Variants in NEK10 observed in about 807,000 individuals in gnomAD.
NEK10 encodes the protein serine/threonine-protein kinase Nek10.
In NEK10, 122 loss-of-function variants were observed where a neutral mutation model predicts 159.8. That is an observed-to-expected ratio of 0.76 (90% CI 0.66 to 0.89). NEK10 has a LOEUF of 0.89. NEK10 is among the 40% of genes least tolerant of loss of function. The pLI is 0.00. For missense variants in NEK10, 1,342 were observed against 1,323.1 expected (o/e 1.01, Z -0.22); for synonymous variants, 466 against 457.1 (o/e 1.02, Z -0.25).
intron 23 of NEK10, among the ~76,000 whole-genome samples, chr3:27,208,946 T>C (rs537700297): frequency 6.6e-6 from 1 of 152,176 alleles, no homozygotes; most frequent in Non-Finnish European, 1.5e-5. Context: ...CTAACTTTTC[T>C]GAACACAAAC....
intron 26 of NEK10, among the ~76,000 whole-genome samples, chr3:27,189,394 T>G (rs1296969761): frequency 6.6e-6 from 1 of 152,120 alleles, no homozygotes; most frequent in African/African-American, 2.4e-5. Flanking sequence ...AAAATTTCAG[T>G]AATTCACAGT....
Position 27,336,737 on chromosome 3 carries a change from C to T in NEK10, c.362+7535G>A, listed in dbSNP as rs368042395. Among the ~76,000 whole-genome samples the T allele has an allele frequency of 1.6e-4, 24 of 152,098 alleles. No individual in the cohort carries two copies. In the East Asian group the frequency reaches 1.9e-3, roughly 12 times the overall value. ...TTATACATCACATCAACAGAATGAA[C>T]GATAAACAACATATGATCATCTCAA... On this transcript the variant is annotated intron_variant, in intron 5 of 35. Coordinates refer to ENST00000691995, the MANE Select transcript of NEK10 (RefSeq NM_001394966.1).
intron 11 of NEK10, among the ~76,000 whole-genome samples, chr3:27,305,840 T>C (rs943372170): frequency 5.3e-5 from 8 of 152,196 alleles, no homozygotes; most frequent in African/African-American, 1.9e-4. Flanking sequence ...ATAAACGTTT[T>C]ATAGAATCAT....
intron 29 of NEK10, among the ~76,000 whole-genome samples, chr3:27,166,739 C>A (rs556553631): frequency 6.6e-6 from 1 of 152,122 alleles, no homozygotes; most frequent in East Asian, 1.9e-4. Flanking sequence ...GGGGGTGGAT[C>A]ACCTGAAGTC....
chr3:27,284,389 G>GA (rs1280905547), intron 22 of NEK10, among the ~76,000 whole-genome samples: 7 of 151,146 alleles, frequency 4.6e-5, no homozygotes, highest in Middle Eastern at 6.8e-3. Flanking sequence ...CTGTCTCGAA[G>GA]AAAAAAAAAT....
chr3:27,230,011 C>T (rs556562821), intron 23 of NEK10, among the ~76,000 whole-genome samples: 2 of 152,120 alleles, frequency 1.3e-5, no homozygotes, highest in East Asian at 3.9e-4. Context: ...ATACAAGAAG[C>T]TCGAAGAACT....
At chr3:27,280,911 TG>T (rs1553615355) in intron 22 of NEK10, among the ~76,000 whole-genome samples, 11 of 101,692 alleles carry the variant, frequency 1.1e-4, no homozygotes, top group Middle Eastern at 5.0e-3. Context: ...TATGTACATA[TG>T]GTGTGTGTGT....
intron 30 of NEK10, among the ~76,000 whole-genome samples, chr3:27,146,595 G>A (rs758516876): frequency 1.3e-5 from 2 of 152,158 alleles, no homozygotes; most frequent in Non-Finnish European, 2.9e-5. Flanking sequence ...ATGAAATAAA[G>A]TAACGTAATT....
At chr3:27,199,232 G>A (rs1949830492) in intron 25 of NEK10, among the ~76,000 whole-genome samples, 1 of 152,062 alleles carries the variant, frequency 6.6e-6, no homozygotes, top group Non-Finnish European at 1.5e-5. Context: ...GGTCTAATAT[G>A]CAGTTTCTAT....
Position 27,250,848 on chromosome 3 carries a change from T to C in NEK10, c.2090+5448A>G, listed in dbSNP as rs533652204. On this transcript the variant is annotated intron_variant, in intron 23 of 35. Coordinates refer to ENST00000691995, the MANE Select transcript of NEK10 (RefSeq NM_001394966.1). ...CTCTTGCTGCTTTTGAGATCCTTTCTTTATCCCTGATATTTGTGAGTTTGA... is the reference window on the plus strand; with the variant it reads ...CTCTTGCTGCTTTTGAGATCCTTTCCTTATCCCTGATATTTGTGAGTTTGA... Among the ~76,000 whole-genome samples, 200 of 152,338 alleles carry C rather than the reference T, an allele frequency of 1.3e-3. 1 individual carries two copies. The Middle Eastern group carries it at 0.027, about 21-fold the overall frequency.
At chr3:27,138,677 A>T (rs572866910) in intron 31 of NEK10, among the ~76,000 whole-genome samples, 211 of 152,356 alleles carry the variant, frequency 1.4e-3, no homozygotes, top group African/African-American at 4.8e-3. Flanking sequence ...AGAAGAGCCC[A>T]TACAGATAGG....
At position 27,314,321 on chromosome 3, in the gene NEK10, C is replaced by G. The variant is rs1454968858; in HGVS notation, c.465G>C (p.Leu155Phe). Residue 155 changes from leucine to phenylalanine, a missense_variant, in exon 7 of 36, where the codon TTG (leucine) becomes TTC (phenylalanine). Transcript: ENST00000691995. ...CCTGAGCTAGGTTTTCAATCCCACC[C>G]AAGCTATGGAGTATTTCCTAATAAA... Reference protein sequence around the residue: ...DPCYQEILHSLGGIENLAQYM... With the variant: ...DPCYQEILHSFGGIENLAQYM... 1 of 1,601,672 alleles carries G rather than the reference C, an allele frequency of 6.2e-7. No homozygotes were observed. Among genetic ancestry groups the G allele is most frequent in the Non-Finnish European group, 8.5e-7 (1 of 1,172,404 alleles).
chr3:27,146,853 CAAAGAGTGAAG>C (rs1393694869), intron 30 of NEK10, among the ~76,000 whole-genome samples: 1 of 152,104 alleles, frequency 6.6e-6, no homozygotes, highest in African/African-American at 2.4e-5. Context: ...ATAATTCCAG[CAAAGAGTGAAG>C]TCAGCTAAGT....
intron 23 of NEK10, among the ~76,000 whole-genome samples, chr3:27,222,867 A>T (rs1382702113): frequency 6.6e-6 from 1 of 152,030 alleles, no homozygotes; most frequent in African/African-American, 2.4e-5. Context: ...ACACATGTCC[A>T]AATTGTAAGA....
At chr3:27,125,549 T>C (rs1941844686) in intron 32 of NEK10, among the ~76,000 whole-genome samples, 1 of 152,186 alleles carries the variant, frequency 6.6e-6, no homozygotes, top group Non-Finnish European at 1.5e-5. Flanking sequence ...TGCCTAATTT[T>C]TTTATCTTTT....
At chr3:27,175,895 G>A (rs1343622180) in intron 26 of NEK10, among the ~76,000 whole-genome samples, 1 of 152,194 alleles carries the variant, frequency 6.6e-6, no homozygotes, top group Admixed American at 6.5e-5. Context: ...AAATTACCTA[G>A]CACTTCTTGA....
chr3:27,347,147 T>C (rs1381221233), intron 3 of NEK10, among the ~76,000 whole-genome samples: 1 of 152,222 alleles, frequency 6.6e-6, no homozygotes, highest in South Asian at 2.1e-4. Flanking sequence ...TTCCATTTTA[T>C]ATATTACCAA....
chr3:27,217,095 G>A (rs1951616182), intron 23 of NEK10, among the ~76,000 whole-genome samples: 1 of 152,118 alleles, frequency 6.6e-6, no homozygotes, highest in Admixed American at 6.5e-5. Flanking sequence ...TAAGGACAAT[G>A]AAAATGATGA....
intron 30 of NEK10, among the ~76,000 whole-genome samples, chr3:27,161,714 T>C (rs1345659675): frequency 6.6e-6 from 1 of 152,232 alleles, no homozygotes; most frequent in African/African-American, 2.4e-5. Flanking sequence ...GAAACTTTTA[T>C]GTTTAAGGAT....
Sources: gnomAD v4.1 joint callset for allele counts (sites outside exome capture counted in the v4.1 genomes callset) on GRCh38, gnomAD v4.1.1 for gene constraint, MANE v1.5 for transcripts, NCBI Gene and HGNC (gene_info 2026-07-23, HGNC 2026-07-21) for gene names.